The following KLK8 variants were observed in gnomAD, a reference collection of about 807,000 sequenced individuals.
KLK8 encodes kallikrein-8.
Under a neutral mutation model 26.7 loss-of-function variants are expected in KLK8, and 18 were observed. That is an observed-to-expected ratio of 0.67 (90% CI 0.47 to 1.00). The LOEUF (loss-of-function observed/expected upper bound fraction) is 1.00, where lower values mean the gene tolerates loss of function less well. KLK8 is among the 50% of genes least tolerant of loss of function. The pLI, the probability that KLK8 is intolerant of heterozygous loss-of-function variation, is 0.00. For synonymous variants in KLK8, 137 were observed against 127.1 expected, an observed-to-expected ratio of 1.08 and a Z score of -0.52; for missense variants, 301 against 331.7, an observed-to-expected ratio of 0.91 and a Z score of 0.72.
exon 4 of KLK8, chr19:51,000,503 A>G (rs751936311): frequency 1.2e-6 from 2 of 1,614,034 alleles, no homozygotes; most frequent in Non-Finnish European, 8.5e-7. Flanking sequence ...TGGCCCTGGA[A>G]CAAGGCCGCC....
intron 5 of KLK8, among the ~76,000 whole-genome samples, chr19:50,999,425 C>T (rs148952963): frequency 0.039 from 5,896 of 150,916 alleles, 226 homozygotes; most frequent in African/African-American, 0.094. Flanking sequence ...ACAACAAATA[C>T]AAAAATTAGC....
rs2091182831 is a variant in KLK8, at chr19:50,997,663, C to CT, written c.627+87_627+88insA. Reference sequence around the variant, plus strand: ...CGGGTGCCAAGTCTTTGGGGTCACTCCCTTACCACCCCCACCCCCATCCAA... The same window carrying CT: ...CGGGTGCCAAGTCTTTGGGGTCACTCTCCTTACCACCCCCACCCCCATCCAA... On this transcript the variant is annotated intron_variant, in intron 6 of 6. Coordinates refer to ENST00000600767, the Ensembl canonical transcript of KLK8. 2.1e-6 allele frequency: 3 copies of CT among 1,403,312 alleles called. No individual in the cohort carries two copies. In the Admixed American group the frequency reaches 6.6e-5, roughly 31 times the overall value. The allele number at this position is 1,403,312 out of a possible 1,614,324, so 86.9% of individuals were successfully genotyped here.
intron 3 of KLK8, chr19:51,000,869 T>C (rs2091217836): frequency 2.3e-6 from 2 of 872,078 alleles, no homozygotes; most frequent in Admixed American, 2.9e-5. Flanking sequence ...CCAAAGGCTG[T>C]AGCTATTCAG....
At chr19:50,998,054 A>C (rs908688387) in intron 5 of KLK8, 170 bp from the exon 5 acceptor site, 262 of 727,606 alleles carry the variant, frequency 3.6e-4, no homozygotes, top group Middle Eastern at 7.6e-4. Context: ...ACATTAAACG[A>C]AGCTGTACTT....
intron 5 of KLK8, among the ~76,000 whole-genome samples, chr19:50,999,731 G>A (rs2091203565): frequency 1.3e-5 from 2 of 150,380 alleles, no homozygotes; most frequent in South Asian, 2.1e-4. Flanking sequence ...TACAACCAAA[G>A]GTCCCATAGG....
exon 2 of KLK8, chr19:51,001,592 A>C (rs557978939): frequency 5.9e-6 from 1 of 170,672 alleles, no homozygotes; most frequent in Admixed American, 5.9e-5. Flanking sequence ...AGGCCCCAGT[A>C]CTTCAGTTCT....
intron 6 of KLK8, 54 bp from the exon 6 acceptor site, chr19:50,996,268 T>C (rs1046484813): frequency 1.3e-6 from 2 of 1,582,866 alleles, no homozygotes; most frequent in Admixed American, 3.4e-5. Flanking sequence ...CAACGTCCCT[T>C]TTCCTGCTGT....
chr19:50,996,354 C>G lies in KLK8; in HGVS notation c.628-140G>C, dbSNP rs964729118. The stretch of plus-strand genomic sequence containing the variant: ...GGGTAAAAGCATTGTCCCCTGAGAC[C>G]AGTCAGGACAGGGCTTGGGGCTTCC... On this transcript the variant is annotated intron_variant, in intron 6 of 6. Transcript: ENST00000600767. 5 of 812,542 alleles carry G rather than the reference C, an allele frequency of 6.2e-6. No individual in the cohort carries two copies. The Admixed American group carries it at 1.3e-4, about 21-fold the overall frequency. 50.3% of individuals were successfully genotyped at this position (812,542 alleles called of 1,614,324 possible). A position where few individuals can be genotyped will look rare whatever the true frequency, so the allele number is the denominator to read the frequency against.
chr19:50,999,456 G>A (rs978890013), intron 5 of KLK8, among the ~76,000 whole-genome samples: 1 of 151,286 alleles, frequency 6.6e-6, no homozygotes, highest in African/African-American at 2.4e-5. Flanking sequence ...GCGGGTGCCT[G>A]TAATCCCAGC....
intron 6 of KLK8, 59 bp from the exon 6 acceptor site, chr19:50,996,273 TGCTGTCCCA>T: frequency 6.3e-7 from 1 of 1,575,872 alleles, no homozygotes; most frequent in Non-Finnish European, 8.7e-7. Context: ...TCCCTTTTCC[TGCTGTCCCA>T]GCGTTTTACC....
At chr19:51,001,209 G>A in intron 2 of KLK8, 34 bp from the exon 2 acceptor site, 1 of 1,582,330 alleles carries the variant, frequency 6.3e-7, no homozygotes, top group Non-Finnish European at 8.6e-7. Flanking sequence ...CGGTAAACAG[G>A]AAGGAGGAGC....
At position 50,996,215 on chromosome 19, in the gene KLK8, CT is replaced by C; in HGVS notation, c.628-2del. ...ACACCAGGGGGCCTCCAGAATCGCC[CT>C]AGACAGGGAGAATGAGAACAGCCTT... On this transcript the variant is annotated splice_acceptor_variant, in intron 6 of 6. Transcript: ENST00000600767. LOFTEE classifies it high-confidence loss of function. The C allele has an allele frequency of 6.2e-7, 1 of 1,613,566 alleles. No homozygotes were observed. The highest frequency in any genetic ancestry group is 8.5e-7 in the Non-Finnish European group (1 of 1,179,622).
rs200865434 is a variant in KLK8 at position 51,000,431 on chromosome 19, T to C, written c.223A>G (p.Lys75Glu). Reference sequence around the variant, plus strand: ...CCCCCATCATCCACTCACGGTTTTTTACAGTGGGCAGCTGTAAGGACCCAG... The same window carrying C: ...CCCCCATCATCCACTCACGGTTTTTCACAGTGGGCAGCTGTAAGGACCCAG... Residue 75 changes from lysine to glutamate, a missense_variant, in exon 4 of 7, where the codon AAA becomes GAA. Physicochemically the swap from Lys to Glu is moderately conservative, Grantham distance 56. Coordinates refer to ENST00000600767, the Ensembl canonical transcript of KLK8. 4.4e-6 allele frequency: 7 copies of C among 1,606,908 alleles called. No individual in the cohort carries two copies. The East Asian group carries it at 1.6e-4, about 36-fold the overall frequency.
At chr19:50,996,934 A>ACC (rs1275792907) in intron 6 of KLK8, among the ~76,000 whole-genome samples, 4 of 55,760 alleles carry the variant, frequency 7.2e-5, no homozygotes, top group African/African-American at 3.7e-4. Flanking sequence ...ACACACACAC[A>ACC]CACACCATAT....
At chr19:51,000,188 C>A in exon 5 of KLK8, 1 of 1,610,054 alleles carries the variant, frequency 6.2e-7, no homozygotes, top group Non-Finnish European at 8.5e-7. Flanking sequence ...ATGGACTGAA[C>A]CACAGGTATT....
At chr19:50,998,585 C>T (rs569377134) in intron 5 of KLK8, among the ~76,000 whole-genome samples, 3 of 152,278 alleles carry the variant, frequency 2.0e-5, no homozygotes, top group South Asian at 4.1e-4. Flanking sequence ...GAGGAATAGA[C>T]TTCTCCAAAG....
Position 51,000,596 on chromosome 19 carries a change from G to A in KLK8, c.71-13C>T, listed in dbSNP as rs772672787. On this transcript the variant is annotated splice_polypyrimidine_tract_variant and intron_variant, in intron 3 of 6. Coordinates refer to ENST00000600767, the Ensembl canonical transcript of KLK8. ...GCCCTGGAGTGTCCTGCAGCAGGAG[G>A]GAGAGGGTTGGATCGCCACCCTCTG... The A allele has an allele frequency of 1.2e-6, 2 of 1,613,582 alleles. No individual in the cohort carries two copies. The highest frequency in any genetic ancestry group is 2.2e-5 in the East Asian group (1 of 44,866).
Sources: gnomAD v4.1 joint callset for allele counts (sites outside exome capture counted in the v4.1 genomes callset) on GRCh38, gnomAD v4.1.1 for gene constraint, MANE v1.5 for transcripts, NCBI Gene and HGNC (gene_info 2026-07-23, HGNC 2026-07-21) for gene names.